The following DAB1 variants were observed in gnomAD, a reference collection of about 807,000 sequenced individuals.
DAB1 encodes the protein DAB adaptor protein 1.
DAB1 carries 15 observed loss-of-function variants against 64.6 expected under a neutral mutation model. That is an observed-to-expected ratio of 0.23 (90% CI 0.16 to 0.36). The LOEUF (loss-of-function observed/expected upper bound fraction) is 0.36, where lower values mean the gene tolerates loss of function less well. Among genes scored for constraint, DAB1 ranks in the 10% least tolerant of loss-of-function variants. DAB1 has a pLI of 1.00. For missense variants in DAB1, 596 were observed against 706.7 expected, an observed-to-expected ratio of 0.84 and a Z score of 1.78; for synonymous variants, 235 against 251.9, an observed-to-expected ratio of 0.93 and a Z score of 0.64.
intron 1 of DAB1, among the ~76,000 whole-genome samples, chr1:57,868,858 G>C (rs1654415805): frequency 6.6e-6 from 1 of 151,982 alleles, no homozygotes; most frequent in Non-Finnish European, 1.5e-5. Context: ...TCTTACCTCT[G>C]TGTCTTGACT....
intron 4 of DAB1, among the ~76,000 whole-genome samples, chr1:57,108,034 C>G (rs771507441): frequency 1.3e-5 from 2 of 152,122 alleles, no homozygotes; most frequent in Non-Finnish European, 2.9e-5. Context: ...TTCCCTGAGG[C>G]CCTGCTATTC....
At chr1:57,179,062 T>G (rs984126811) in intron 2 of DAB1, among the ~76,000 whole-genome samples, 1 of 152,132 alleles carries the variant, frequency 6.6e-6, no homozygotes, top group Non-Finnish European at 1.5e-5. Flanking sequence ...TTGAGGAAAT[T>G]CAACATGAGA....
chr1:57,116,461 C>CAAAAAAAAAAAAAAAAAAAAA (rs61590002), intron 4 of DAB1, among the ~76,000 whole-genome samples: 1 of 71,972 alleles, frequency 1.4e-5, no homozygotes, highest in African/African-American at 5.5e-5. Flanking sequence ...GACTCTGTCT[C>CAAAAAAAAAAAAAAAAAAAAA]AAAAAAAAAA....
At chr1:57,665,765 C>T (rs1646438718) in intron 6 of DAB1, among the ~76,000 whole-genome samples, 3 of 150,956 alleles carry the variant, frequency 2.0e-5, no homozygotes, top group South Asian at 4.2e-4. Flanking sequence ...CACACATATA[C>T]ATACACATAT....
chr1:57,694,497 T>C (rs1646801164), intron 6 of DAB1, among the ~76,000 whole-genome samples: 1 of 152,096 alleles, frequency 6.6e-6, no homozygotes, highest in Non-Finnish European at 1.5e-5. Flanking sequence ...AAGCAGTTAA[T>C]TTAGAGATAT....
At chr1:58,431,676 T>C (rs547723647) in intron 3 of DAB1, among the ~76,000 whole-genome samples, 1 of 152,266 alleles carries the variant, frequency 6.6e-6, no homozygotes, top group Admixed American at 6.5e-5. Flanking sequence ...TTTTAATATA[T>C]CCTTTGCAAG....
chr1:57,291,558 C>A (rs1282488020), intron 1 of DAB1, among the ~76,000 whole-genome samples: 1 of 152,136 alleles, frequency 6.6e-6, no homozygotes, highest in East Asian at 1.9e-4. Flanking sequence ...TTGATCAGCA[C>A]CTTGGCAGCA....
At chr1:57,088,422 T>C (rs541616504) in intron 4 of DAB1, among the ~76,000 whole-genome samples, 1 of 152,312 alleles carries the variant, frequency 6.6e-6, no homozygotes, top group African/African-American at 2.4e-5. Context: ...AGGATGGCCC[T>C]AGTCTCCCTT....
intron 1 of DAB1, among the ~76,000 whole-genome samples, chr1:57,306,513 CTT>C (rs1166241090): frequency 0.03 from 3,429 of 114,058 alleles, 126 homozygotes; most frequent in African/African-American, 0.11. Flanking sequence ...TTAGAACAGG[CTT>C]TTTTTTTTTT....
chr1:58,523,964 A>G (rs1646309420), intron 2 of DAB1, among the ~76,000 whole-genome samples: 1 of 152,206 alleles, frequency 6.6e-6, no homozygotes, highest in East Asian at 1.9e-4. Context: ...GGAACAAAGC[A>G]TGGATGGAAC....
intron 6 of DAB1, among the ~76,000 whole-genome samples, chr1:57,710,039 G>T (rs1250097694): frequency 6.6e-6 from 1 of 152,096 alleles, no homozygotes; most frequent in Non-Finnish European, 1.5e-5. Flanking sequence ...GGGAAGCCTT[G>T]CGGAGGACTC....
intron 5 of DAB1, among the ~76,000 whole-genome samples, chr1:57,966,709 T>C (rs1485442469): frequency 6.6e-6 from 1 of 152,160 alleles, no homozygotes; most frequent in Non-Finnish European, 1.5e-5. Context: ...TAATCTAAAA[T>C]TTAGGTTAAG....
chr1:57,823,874 C>T (rs1652233271), downstream of DAB1, among the ~76,000 whole-genome samples: 2 of 152,176 alleles, frequency 1.3e-5, no homozygotes, highest in Admixed American at 6.5e-5. Context: ...TGCCTAAGGC[C>T]TTACCAGCTA....
At chr1:58,503,256 C>T (rs1645935792) in intron 3 of DAB1, among the ~76,000 whole-genome samples, 1 of 152,124 alleles carries the variant, frequency 6.6e-6, no homozygotes, top group East Asian at 1.9e-4. Context: ...GCCCAGGCCT[C>T]CCAGGGTGCG....
At chr1:58,021,539 C>T (rs545171679) in intron 5 of DAB1, among the ~76,000 whole-genome samples, 240 of 152,170 alleles carry the variant, frequency 1.6e-3, no homozygotes, top group African/African-American at 5.3e-3. Flanking sequence ...GGAATTCCTA[C>T]TAATAAGAAT....
intron 5 of DAB1, among the ~76,000 whole-genome samples, chr1:57,949,567 AT>A (rs753912849): frequency 8.6e-4 from 109 of 126,374 alleles, no homozygotes; most frequent in Non-Finnish European, 1.2e-3. Flanking sequence ...CACACACACA[AT>A]ATATATATAT....
At chr1:57,114,773 T>C (rs1655962359) in intron 4 of DAB1, among the ~76,000 whole-genome samples, 1 of 152,144 alleles carries the variant, frequency 6.6e-6, no homozygotes, top group Non-Finnish European at 1.5e-5. Flanking sequence ...ACCCTTCTGT[T>C]TGGAGTGAGA....
At chr1:58,178,603 T>C (rs1656615090) in intron 4 of DAB1, among the ~76,000 whole-genome samples, 1 of 152,196 alleles carries the variant, frequency 6.6e-6, no homozygotes, top group African/African-American at 2.4e-5. Flanking sequence ...CTATTAGTAG[T>C]AGTAGTAGAA....
chr1:57,222,035 C>G (rs1285655120), intron 2 of DAB1, among the ~76,000 whole-genome samples: 1 of 152,092 alleles, frequency 6.6e-6, no homozygotes, highest in Non-Finnish European at 1.5e-5. Flanking sequence ...GGCACTGTTA[C>G]GCCCTTTACA....
Sources: gnomAD v4.1 joint callset for allele counts (sites outside exome capture counted in the v4.1 genomes callset) on GRCh38, gnomAD v4.1.1 for gene constraint, MANE v1.5 for transcripts, NCBI Gene and HGNC (gene_info 2026-07-23, HGNC 2026-07-21) for gene names.